RBPMS: variants seen among roughly 807,000 people sequenced by gnomAD.
The protein encoded by RBPMS is RNA binding protein, mRNA processing factor, also known as RNA-binding protein with multiple splicing.
A neutral mutation model predicts 26.8 loss-of-function variants in RBPMS; 7 were observed. The ratio of observed to expected loss-of-function variants is 0.26; its 90% CI spans 0.15 to 0.49. RBPMS has a LOEUF of 0.49. RBPMS is among the 20% of genes least tolerant of loss of function. The pLI is 0.98. For synonymous variants in RBPMS, 96 were observed against 93.3 expected (o/e 1.03, Z -0.17); for missense variants, 186 against 250.0 (o/e 0.74, Z 1.73).
chr8:30,514,136 A>T (rs1022587562), intron 5 of RBPMS, among the ~76,000 whole-genome samples: 5 of 152,178 alleles, frequency 3.3e-5, no homozygotes, highest in Non-Finnish European at 1.5e-5. Flanking sequence ...TAAAGTGTGC[A>T]TCCTCACTCC....
chr8:30,474,705 T>C, intron 1 of RBPMS, 74 bp from the exon 2 acceptor site: 2 of 816,938 alleles, frequency 2.4e-6, no homozygotes, highest in South Asian at 1.5e-5. Context: ...ATAATATGTT[T>C]CTGAGATATC....
At chr8:30,475,582 T>C (rs997162271) in intron 2 of RBPMS, among the ~76,000 whole-genome samples, 3 of 152,212 alleles carry the variant, frequency 2.0e-5, no homozygotes, top group Admixed American at 6.5e-5. Context: ...ACCACACTTA[T>C]GATTAGGTGA....
intron 1 of RBPMS, among the ~76,000 whole-genome samples, chr8:30,458,730 T>C (rs1401005372): frequency 3.3e-5 from 5 of 152,202 alleles, no homozygotes; most frequent in African/African-American, 9.6e-5. Context: ...ACACTGTTTT[T>C]TGAGACGGGA....
chr8:30,497,925 A>G (rs1174578055), intron 4 of RBPMS, among the ~76,000 whole-genome samples: 1 of 151,846 alleles, frequency 6.6e-6, no homozygotes, highest in Non-Finnish European at 1.5e-5. Flanking sequence ...CCCGGCCACA[A>G]GGTCACAGAG....
rs1252272319 is a variant in RBPMS, at chr8:30,570,774, G to A, written c.*249G>A. On this transcript the variant is annotated 3_prime_UTR_variant, in exon 9 of 9. Transcript: ENST00000397323. ...TTACACTGTATAATTGTAAGAAATAGCGTATTATTTGTGAATGCATGGTCT... is the reference window on the plus strand; with the variant it reads ...TTACACTGTATAATTGTAAGAAATAACGTATTATTTGTGAATGCATGGTCT... The A allele has an allele frequency of 6.6e-6, 1 of 152,598 alleles. No homozygotes were observed. The highest frequency in any genetic ancestry group is 2.4e-5 in the African/African-American group (1 of 41,434). 9.5% of individuals were successfully genotyped at this position (152,598 alleles called of 1,614,324 possible). A position where few individuals can be genotyped will look rare whatever the true frequency, so the allele number is the denominator to read the frequency against.
intron 6 of RBPMS, among the ~76,000 whole-genome samples, chr8:30,551,392 G>T (rs369239043): frequency 6.6e-6 from 1 of 152,160 alleles, no homozygotes; most frequent in Non-Finnish European, 1.5e-5. Flanking sequence ...TTTGGCCAGG[G>T]TCACTCACCC....
At chr8:30,549,477 T>G in intron 6 of RBPMS, 1 of 1,593,924 alleles carries the variant, frequency 6.3e-7, no homozygotes, top group African/African-American at 1.3e-5. Flanking sequence ...CTCTGACATT[T>G]ACCTTTTCCT....
chr8:30,420,488 A>G (rs373689619), intron 1 of RBPMS, among the ~76,000 whole-genome samples: 41 of 152,328 alleles, frequency 2.7e-4, no homozygotes, highest in African/African-American at 9.4e-4. Context: ...GAAATATTGT[A>G]GTTAAAAGAG....
At chr8:30,438,810 C>T (rs1812758571) in intron 1 of RBPMS, among the ~76,000 whole-genome samples, 1 of 152,092 alleles carries the variant, frequency 6.6e-6, no homozygotes, top group Non-Finnish European at 1.5e-5. Context: ...CCTTGCTCTG[C>T]CAGCCCCGGC....
rs1403980807 is a variant in RBPMS at position 30,488,148 on chromosome 8, G to A, written c.246+8771G>A. On this transcript the variant is annotated intron_variant, in intron 4 of 8. Transcript: ENST00000397323. ...GCCTTACACAAGACATCAGTCATAT[G>A]TAAATGAATGAATAAATACACAGAG... Among the ~76,000 whole-genome samples, 3 of 152,060 alleles carry A rather than the reference G, an allele frequency of 2.0e-5. No individual in the cohort carries two copies. In the East Asian group the frequency reaches 5.8e-4, roughly 29 times the overall value.
intron 4 of RBPMS, among the ~76,000 whole-genome samples, chr8:30,481,748 C>G (rs1293600115): frequency 6.6e-6 from 1 of 152,212 alleles, no homozygotes; most frequent in Non-Finnish European, 1.5e-5. Context: ...CCAAAGCTGA[C>G]TTACATAAGA....
At chr8:30,555,022 G>A (rs142828688) in intron 6 of RBPMS, among the ~76,000 whole-genome samples, 1 of 152,240 alleles carries the variant, frequency 6.6e-6, no homozygotes, top group East Asian at 1.9e-4. Flanking sequence ...CTTGGCATCA[G>A]TATTAGGAAC....
chr8:30,391,047 AG>A (rs1354107171), intron 1 of RBPMS, among the ~76,000 whole-genome samples: 5 of 152,232 alleles, frequency 3.3e-5, no homozygotes, highest in African/African-American at 1.2e-4. Flanking sequence ...CTTTGTCATT[AG>A]GAACCTCCAT....
In RBPMS at chr8:30,549,006, G is replaced by C. The variant is rs145765674; in HGVS notation, c.528+4382G>C. 1.6e-4 allele frequency among the ~76,000 whole-genome samples: 25 copies of C among 152,336 alleles called. No homozygotes were observed. In the East Asian group the frequency reaches 4.8e-3, roughly 29 times the overall value. ...ACCTCAGTGCGCACACAGCTCCTTA[G>C]GAGTCGCCCAGCAGCGAGACAGCTG... is the stretch of plus-strand genomic sequence containing the variant. On this transcript the variant is annotated intron_variant, in intron 6 of 8. Transcript: ENST00000397323.
At chr8:30,545,122 A>G (rs1475993452) in intron 6 of RBPMS, 1 of 1,327,062 alleles carries the variant, frequency 7.5e-7, no homozygotes, top group African/African-American at 1.5e-5. Flanking sequence ...TTTCTTAAAT[A>G]TGTTACAGGA....
intron 1 of RBPMS, among the ~76,000 whole-genome samples, chr8:30,447,380 G>A (rs1274875265): frequency 6.6e-6 from 1 of 152,192 alleles, no homozygotes; most frequent in African/African-American, 2.4e-5. Context: ...ACATAAAATA[G>A]AGAATATATT....
chr8:30,567,984 G>A (rs146477248), intron 8 of RBPMS, among the ~76,000 whole-genome samples: 1 of 152,330 alleles, frequency 6.6e-6, no homozygotes, highest in South Asian at 2.1e-4. Context: ...TACCCTTGGA[G>A]GGCAGAGATG....
chr8:30,511,549 G>A (rs1821701103), intron 5 of RBPMS, among the ~76,000 whole-genome samples: 1 of 126,280 alleles, frequency 7.9e-6, no homozygotes, highest in Non-Finnish European at 1.6e-5. Context: ...GTGTGTGTGT[G>A]TATGTATAGA....
At position 30,549,579 on chromosome 8, in the gene RBPMS, C is replaced by T. The variant is rs781663361; in HGVS notation, c.528+4955C>T. 2.5e-6 allele frequency: 4 copies of T among 1,613,832 alleles called. No homozygotes were observed. The South Asian group carries it at 4.4e-5, about 18-fold the overall frequency. The stretch of plus-strand genomic sequence containing the variant: ...GATAGTGCCAGCCTGGCCTGGTTTC[C>T]TGTTTGGTGAGGCTTTCTAGGAGCA... On this transcript the variant is annotated intron_variant, in intron 6 of 8. Transcript: ENST00000397323.
Sources: gnomAD v4.1 joint callset for allele counts (sites outside exome capture counted in the v4.1 genomes callset) on GRCh38, gnomAD v4.1.1 for gene constraint, MANE v1.5 for transcripts, NCBI Gene and HGNC (gene_info 2026-07-23, HGNC 2026-07-21) for gene names.